Variants in SFMBT2 observed in about 807,000 individuals in gnomAD.
SFMBT2 encodes scm-like with four MBT domains protein 2.
Under a neutral mutation model 110.1 loss-of-function variants are expected in SFMBT2, and 38 were observed. That is an observed-to-expected ratio of 0.35 (90% CI 0.27 to 0.45). The LOEUF is 0.45. SFMBT2 is among the 20% of genes least tolerant of loss of function. The pLI is 1.00. For missense variants in SFMBT2, 1,011 were observed against 1,094.9 expected (o/e 0.92, Z 1.08); for synonymous variants, 425 against 425.4 (o/e 1.00, Z 0.01).
At position 7,228,275 on chromosome 10, in the gene SFMBT2, A is replaced by G. The variant is rs79099997; in HGVS notation, c.1121-338T>C. 1,890 of 389,100 alleles carry G rather than the reference A, an allele frequency of 4.9e-3. 39 individuals carry two copies. The highest frequency in any genetic ancestry group is 0.039 in the African/African-American group (1,778 of 46,038). The allele number at this position is 389,100 out of a possible 1,614,324, so 24.1% of individuals were successfully genotyped here. The stretch of plus-strand genomic sequence containing the variant: ...CACTCTCACCACGCACTGTGCAGAG[A>G]TAGACAATGACATCTCCCTTCATAG... On this transcript the variant is annotated intron_variant, in intron 9 of 20. Transcript: ENST00000397167.
chr10:7,410,932 TCGCTTGCTCGCTCGCC>T lies in SFMBT2; in HGVS notation c.-139_-124del. The stretch of plus-strand genomic sequence containing the variant: ...CCGCCCGGGAGGGCACCGGCCTCGC[TCGCTTGCTCGCTCGCC>T]CGCCCTTGCCCGCTCGCTCCCCGCC... On this transcript the variant is annotated 5_prime_UTR_variant, in exon 1 of 21. An upstream open reading frame in the 5' UTR gains an earlier in-frame stop. Coordinates refer to ENST00000397167, the MANE Select transcript of SFMBT2 (RefSeq NM_001387889.1). 6.6e-6 allele frequency among the ~76,000 whole-genome samples: 1 copy of T among 151,536 alleles called. No homozygotes were observed. Among genetic ancestry groups the T allele is most frequent in the East Asian group, 2.0e-4 (1 of 5,124 alleles).
At chr10:7,246,769 G>A (rs997552984) in intron 8 of SFMBT2, among the ~76,000 whole-genome samples, 5 of 138,344 alleles carry the variant, frequency 3.6e-5, no homozygotes, top group Non-Finnish European at 7.9e-5. Context: ...CCGCTGACAG[G>A]CTATGCACAT....
At chr10:7,397,480 C>T (rs1219530025) in intron 1 of SFMBT2, among the ~76,000 whole-genome samples, 1 of 152,010 alleles carries the variant, frequency 6.6e-6, no homozygotes, top group Non-Finnish European at 1.5e-5. Context: ...TGTAGCCACC[C>T]TTGGAAATCT....
intron 5 of SFMBT2, chr10:7,284,495 C>T: frequency 1.1e-6 from 1 of 939,126 alleles, no homozygotes; most frequent in South Asian, 4.3e-5. Flanking sequence ...CCCAAATTTG[C>T]CTGGACCTAG....
intron 4 of SFMBT2, among the ~76,000 whole-genome samples, chr10:7,294,283 G>A (rs1043385273): frequency 1.3e-5 from 2 of 152,172 alleles, no homozygotes; most frequent in East Asian, 3.8e-4. Context: ...AGGATGAGAC[G>A]TAAACCCTTG....
chr10:7,176,140 C>G lies in SFMBT2; in HGVS notation c.1834G>C (p.Val612Leu), dbSNP rs1838048528. Residue 612 changes from valine (V) to leucine (L), a missense_variant, in exon 17 of 21, where the codon GTG (valine) becomes CTG (leucine). Physicochemically the swap from Val to Leu is conservative, Grantham distance 32 (BLOSUM62 1). Around this residue, in one of 2 missense-constraint regions of SFMBT2, gnomAD observed 979 missense variants for 1,016.1 expected, o/e 0.96. Transcript: ENST00000397167. The part of the protein sequence containing the change: ...AKYRGKTYRA[V>L]VKIVRTSDQV... ...TCAGATGTCCGTACGATTTTGACCA[C>G]AGCCCTGTATGTTTTGCCTCTGTAT... 6.2e-7 allele frequency: 1 copy of G among 1,614,064 alleles called. No individual in the cohort carries two copies. Among genetic ancestry groups the G allele is most frequent in the African/African-American group, 1.3e-5 (1 of 74,916 alleles).
chr10:7,393,032 TATA>T (rs1483747115), intron 1 of SFMBT2, among the ~76,000 whole-genome samples: 1 of 48,966 alleles, frequency 2.0e-5, no homozygotes, highest in African/African-American at 2.2e-4. Context: ...TATATATATA[TATA>T]ATTTTTTTTT....
At chr10:7,353,343 C>T (rs1199005966) in intron 4 of SFMBT2, among the ~76,000 whole-genome samples, 4 of 152,162 alleles carry the variant, frequency 2.6e-5, no homozygotes, top group Non-Finnish European at 5.9e-5. Flanking sequence ...TTCCTGTCAG[C>T]TCTTGTTTTC....
rs574615625 is a variant in SFMBT2, at chr10:7,220,949, C to T, written c.1204-412G>A. Among the ~76,000 whole-genome samples, 5 of 152,106 alleles carry T rather than the reference C, an allele frequency of 3.3e-5. No homozygotes were observed. The South Asian group carries it at 1.0e-3, about 32-fold the overall frequency. On this transcript the variant is annotated intron_variant, in intron 10 of 20. Coordinates refer to ENST00000397167, the MANE Select transcript of SFMBT2 (RefSeq NM_001387889.1). ...TCACGCCATTCTCCTAACTCAGCCT[C>T]CTGAGTAGCTGGGACTACAGGCACC...
chr10:7,363,011 A>G (rs1197372378), intron 4 of SFMBT2, among the ~76,000 whole-genome samples: 2 of 152,280 alleles, frequency 1.3e-5, no homozygotes, highest in Admixed American at 6.5e-5. Context: ...GACATTTCAG[A>G]CTAGAAAGCT....
chr10:7,384,211 C>CAA (rs59239303), intron 1 of SFMBT2, among the ~76,000 whole-genome samples: 1,028 of 27,950 alleles, frequency 0.037, 322 homozygotes, highest in Middle Eastern at 0.17. Flanking sequence ...AACTCCATCT[C>CAA]AAAAAAAAAA....
At chr10:7,405,661 A>C (rs922896963) in intron 1 of SFMBT2, among the ~76,000 whole-genome samples, 1 of 152,138 alleles carries the variant, frequency 6.6e-6, no homozygotes, top group Admixed American at 6.5e-5. Context: ...ACTGAATCAC[A>C]GATGTATTTT....
At chr10:7,370,408 C>T (rs1270561280) in intron 2 of SFMBT2, 33 bp from the exon 3 acceptor site, 1 of 1,569,252 alleles carries the variant, frequency 6.4e-7, no homozygotes, top group Non-Finnish European at 8.8e-7. Flanking sequence ...AATATCAATA[C>T]TGGAGTGGAG....
chr10:7,343,331 T>C (rs1183300176), intron 4 of SFMBT2, among the ~76,000 whole-genome samples: 1 of 152,174 alleles, frequency 6.6e-6, no homozygotes. Context: ...TTTGCTATTA[T>C]GAATAGTGCT....
intron 10 of SFMBT2, among the ~76,000 whole-genome samples, chr10:7,221,585 A>AG (rs1259805842): frequency 6.6e-6 from 1 of 151,436 alleles, no homozygotes; most frequent in Non-Finnish European, 1.5e-5. Context: ...AAAAAAAAAA[A>AG]AAGATTTTTT....
In SFMBT2 at chr10:7,367,841, C is replaced by T; in HGVS notation, c.244G>A (p.Val82Met). The part of the protein sequence containing the change: ...SNFQPGMKLE[V>M]ANKNNPDTYW... Reference sequence around the variant, plus strand: ...GTGTCCGGGTTGTTCTTATTAGCCACTTCCAATTTCATTCCTGGCTGGAAG... The same window carrying T: ...GTGTCCGGGTTGTTCTTATTAGCCATTTCCAATTTCATTCCTGGCTGGAAG... Residue 82 changes from valine to methionine, a missense_variant, in exon 4 of 21, where the codon GTG becomes ATG. This residue lies in a region of SFMBT2 where 979 missense variants were observed against 1,016.1 expected (regional missense o/e 0.96). Transcript: ENST00000397167. The surrounding 1 kb of genome is among the most constrained non-coding windows in gnomAD (Gnocchi z 6.2). 1 of 1,614,216 alleles carries T rather than the reference C, an allele frequency of 6.2e-7. No homozygotes were observed. The highest frequency in any genetic ancestry group is 2.2e-5 in the East Asian group (1 of 44,880).
rs1839000502 is a variant in SFMBT2 at position 7,202,835 on chromosome 10, C to G, written c.1445-313G>C. The stretch of plus-strand genomic sequence containing the variant: ...TGTACCTCACATTAGCACACATGTT[C>G]AGATCAATTGTTGCAAGCAGTTATC... On this transcript the variant is annotated intron_variant, in intron 12 of 20. Transcript: ENST00000397167. The G allele has an allele frequency of 1.0e-5, 10 of 985,386 alleles. No individual in the cohort carries two copies. The South Asian group carries it at 3.8e-4, about 37-fold the overall frequency. 61.0% of individuals were successfully genotyped at this position (985,386 alleles called of 1,614,324 possible).
Position 7,408,576 on chromosome 10 carries a change from A to G in SFMBT2, c.-52+2285T>C, listed in dbSNP as rs777061190. ...CCACCTGCCCCCGCCAGCCCCGGGG[A>G]CCGTGCGCGGCCTCCGTGTGGCCCC... On this transcript the variant is annotated intron_variant, in intron 1 of 20. Transcript: ENST00000397167. This position sits in a 1 kb window ranked among gnomAD's most constrained non-coding sequence, Gnocchi z 5.7. Among the ~76,000 whole-genome samples, 1 of 151,866 alleles carries G rather than the reference A, an allele frequency of 6.6e-6. No homozygotes were observed. Among genetic ancestry groups the G allele is most frequent in the Non-Finnish European group, 1.5e-5 (1 of 67,956 alleles).
intron 4 of SFMBT2, among the ~76,000 whole-genome samples, chr10:7,342,208 T>C (rs61837682): frequency 0.072 from 11,015 of 152,100 alleles, 527 homozygotes; most frequent in Non-Finnish European, 0.11. Flanking sequence ...GTGTCTGTTA[T>C]GACAAGCAAA....
Sources: gnomAD v4.1 joint callset for allele counts (sites outside exome capture counted in the v4.1 genomes callset) on GRCh38, gnomAD v4.1.1 for gene constraint, gnomAD v4.1.1 regional missense constraint, Gnocchi (gnomAD v3.1) non-coding constraint, MANE v1.5 for transcripts, NCBI Gene and HGNC (gene_info 2026-07-23, HGNC 2026-07-21) for gene names.